The following SH3BP2 variants were observed in gnomAD, a reference collection of about 807,000 sequenced individuals.
SH3BP2 encodes SH3 domain binding protein 2, also known as SH3 domain-binding protein 2.
In SH3BP2, 38 loss-of-function variants were observed where a neutral mutation model predicts 56.2. The observed-to-expected ratio is 0.68, with a 90% confidence interval of 0.52 to 0.89. The LOEUF (loss-of-function observed/expected upper bound fraction) is 0.89, where lower values mean the gene tolerates loss of function less well. SH3BP2 is among the 40% of genes least tolerant of loss of function. The probability of loss-of-function intolerance (pLI) is 0.00; values close to 1 mark genes in which losing one functional copy is unlikely to be tolerated. For missense variants in SH3BP2, 748 were observed against 762.6 expected, an observed-to-expected ratio of 0.98 and a Z score of 0.23; for synonymous variants, 346 against 316.7, an observed-to-expected ratio of 1.09 and a Z score of -0.98.
At chr4:2,802,897 C>T (rs941390927) in intron 1 of SH3BP2, among the ~76,000 whole-genome samples, 6 of 152,128 alleles carry the variant, frequency 3.9e-5, no homozygotes, top group African/African-American at 1.4e-4. Context: ...CCTGGGTAAG[C>T]GAGGGGCCCA....
intron 12 of SH3BP2, chr4:2,833,370 C>T: frequency 1.8e-6 from 1 of 571,290 alleles, no homozygotes; most frequent in Non-Finnish European, 3.1e-6. Flanking sequence ...AATTCTGGGG[C>T]TCAAGCAATC....
chr4:2,831,767 C>G lies in SH3BP2; in HGVS notation c.1350+88C>G. Reference sequence around the variant, plus strand: ...ATAGGCCAGGGCGGCCCCTCACAGACCGTCCTGAGCAAGGACCCCCCGAGA... The same window carrying G: ...ATAGGCCAGGGCGGCCCCTCACAGAGCGTCCTGAGCAAGGACCCCCCGAGA... On this transcript the variant is annotated intron_variant, in intron 9 of 12. Transcript: ENST00000503393. The surrounding 1 kb of genome is among the most constrained non-coding windows in gnomAD (Gnocchi z 4.1). 1 of 1,370,912 alleles carries G rather than the reference C, an allele frequency of 7.3e-7. No homozygotes were observed. The highest frequency in any genetic ancestry group is 1.0e-6 in the Non-Finnish European group (1 of 980,898). 84.9% of individuals were successfully genotyped at this position (1,370,912 alleles called of 1,614,324 possible). A position where few individuals can be genotyped will look rare whatever the true frequency, so the allele number is the denominator to read the frequency against.
intron 1 of SH3BP2, chr4:2,796,351 C>G (rs1386627573): frequency 2.1e-6 from 2 of 955,546 alleles, no homozygotes; most frequent in African/African-American, 3.5e-5. Flanking sequence ...GTGCCCTCCC[C>G]CAACCTTCTC....
intron 1 of SH3BP2, among the ~76,000 whole-genome samples, chr4:2,800,717 A>G (rs1723239446): frequency 6.6e-6 from 1 of 152,060 alleles, no homozygotes; most frequent in African/African-American, 2.4e-5. Context: ...GACCCTAACT[A>G]GAGCCATTCA....
intron 1 of SH3BP2, among the ~76,000 whole-genome samples, chr4:2,802,500 A>G: frequency 6.9e-6 from 1 of 144,978 alleles, no homozygotes; most frequent in East Asian, 2.0e-4. Context: ...ATATGTATAT[A>G]TATGTTTGTA....
At chr4:2,804,514 G>T (rs1227325361) in intron 1 of SH3BP2, among the ~76,000 whole-genome samples, 2 of 152,190 alleles carry the variant, frequency 1.3e-5, no homozygotes, top group Admixed American at 6.5e-5. Context: ...TCAAGGGTGG[G>T]CTGGAGCCCC....
rs1724878655 is a variant in SH3BP2, at chr4:2,829,801, G to A, written c.895G>A (p.Glu299Lys). 6.2e-7 allele frequency: 1 copy of A among 1,613,230 alleles called. No homozygotes were observed. The highest frequency in any genetic ancestry group is 1.3e-5 in the African/African-American group (1 of 75,008). Residue 299 changes from glutamate to lysine, a missense_variant, in exon 8 of 13, where the codon GAG (glutamate) becomes AAG (lysine). Transcript: ENST00000503393. The surrounding 1 kb of genome is among the most constrained non-coding windows in gnomAD (Gnocchi z 4.9). ...CCTCCGGAAACCCCCTTGCTTCCGG[G>A]AGAGTGCCAGCCCCAGCCCGGAGCC... ...PGLRKPPCFR[E>K]SASPSPEPWT...
At chr4:2,809,784 C>T (rs1416239025) in intron 1 of SH3BP2, 18 of 985,638 alleles carry the variant, frequency 1.8e-5, no homozygotes, top group Non-Finnish European at 1.9e-5. Context: ...TTCAGGCTGA[C>T]CCTTGGCCCT....
intron 1 of SH3BP2, among the ~76,000 whole-genome samples, chr4:2,806,272 G>GCAC (rs1723530751): frequency 6.6e-6 from 1 of 152,194 alleles, no homozygotes; most frequent in Non-Finnish European, 1.5e-5. Context: ...GGCATAGGGT[G>GCAC]CCCAGGCTGG....
At chr4:2,799,074 G>A in intron 1 of SH3BP2, 1 of 985,502 alleles carries the variant, frequency 1.0e-6, no homozygotes, top group Non-Finnish European at 1.2e-6. Flanking sequence ...GGCGCTCAGG[G>A]GTGCAGCCTC....
rs1417155141 is a variant in SH3BP2, at chr4:2,831,182, C to T, written c.1242-389C>T. ...GGACGCCATGGGCGTCCTTTGGGGT[C>T]ACACTGCATTGTTCATCCAGTTCAC... On this transcript the variant is annotated intron_variant, in intron 8 of 12. Coordinates refer to ENST00000503393, the MANE Select transcript of SH3BP2 (RefSeq NM_001122681.2). The surrounding 1 kb of genome is among the most constrained non-coding windows in gnomAD (Gnocchi z 4.1). 6.6e-6 allele frequency among the ~76,000 whole-genome samples: 1 copy of T among 152,224 alleles called. No homozygotes were observed. The highest frequency in any genetic ancestry group is 6.5e-5 in the Admixed American group (1 of 15,290).
At chr4:2,827,142 C>T (rs775657773) in intron 5 of SH3BP2, 88 bp from the exon 6 acceptor site, 15 of 972,234 alleles carry the variant, frequency 1.5e-5, no homozygotes, top group South Asian at 1.0e-4. Flanking sequence ...CATGTATCCG[C>T]GTGTGCCTGT....
At chr4:2,825,592 ATGCACACACACACAGAGCATGCACAGGTG>A (rs1724571553) in intron 5 of SH3BP2, among the ~76,000 whole-genome samples, 3 of 149,934 alleles carry the variant, frequency 2.0e-5, no homozygotes, top group Admixed American at 2.0e-4. Context: ...ACACACAGAC[ATGCACACACACACAGAGCATGCACAGGTG>A]TGCATGCATC....
At position 2,827,447 on chromosome 4, in the gene SH3BP2, C is replaced by G. The variant is rs116474485; in HGVS notation, c.517+129C>G. The G allele has an allele frequency of 4.1e-4, 475 of 1,160,546 alleles. 2 individuals are homozygous for G. The African/African-American group carries it at 4.3e-3, about 10-fold the overall frequency. The allele number at this position is 1,160,546 out of a possible 1,614,324, so 71.9% of individuals were successfully genotyped here. On this transcript the variant is annotated intron_variant, in intron 6 of 12. Transcript: ENST00000503393. ...CTGGCCCTTTGGCAGTGCGCAGTAG[C>G]ATCCCTGGGCTCTGGCCTTCAGCGG...
chr4:2,818,243 G>C (rs1384069033), intron 1 of SH3BP2: 4 of 990,506 alleles, frequency 4.0e-6, no homozygotes, highest in Non-Finnish European at 4.8e-6. Context: ...TCCGGGCCGC[G>C]GCCGCGGAGC....
intron 1 of SH3BP2, among the ~76,000 whole-genome samples, chr4:2,795,561 C>A (rs1028923618): frequency 6.6e-6 from 1 of 152,144 alleles, no homozygotes; most frequent in Non-Finnish European, 1.5e-5. Context: ...GGCAGGCTGG[C>A]GGGGAAAAGA....
rs1171431016 is a variant in SH3BP2 at position 2,831,881 on chromosome 4, G to A, written c.1351-42G>A. The A allele has an allele frequency of 1.2e-6, 2 of 1,604,610 alleles. No homozygotes were observed. Among genetic ancestry groups the A allele is most frequent in the African/African-American group, 2.7e-5 (2 of 74,894 alleles). ...CGTCCGGGGAGTGGTGGTGCGGGTGGATCACTCCGACGTTGGCACTGACAC... is the reference window on the plus strand; with the variant it reads ...CGTCCGGGGAGTGGTGGTGCGGGTGAATCACTCCGACGTTGGCACTGACAC... On this transcript the variant is annotated intron_variant, in intron 9 of 12. Coordinates refer to ENST00000503393, the MANE Select transcript of SH3BP2 (RefSeq NM_001122681.2). This position sits in a 1 kb window ranked among gnomAD's most constrained non-coding sequence, Gnocchi z 4.1.
chr4:2,812,113 G>C (rs1382871070), intron 1 of SH3BP2: 4 of 1,267,952 alleles, frequency 3.2e-6, no homozygotes, highest in Admixed American at 6.2e-5. Flanking sequence ...GGGAGGGCAG[G>C]AGCAGTGGAA....
At chr4:2,821,286 C>T (rs1428314609) in intron 2 of SH3BP2, among the ~76,000 whole-genome samples, 1 of 152,244 alleles carries the variant, frequency 6.6e-6, no homozygotes, top group Non-Finnish European at 1.5e-5. Flanking sequence ...CATGCCTTTG[C>T]AGTAGCAGTG....
Sources: allele counts gnomAD v4.1 joint callset (sites outside exome capture counted in the v4.1 genomes callset), GRCh38; gene constraint gnomAD v4.1.1; non-coding constraint Gnocchi (gnomAD v3.1); transcripts MANE v1.5; gene names NCBI Gene and HGNC (gene_info 2026-07-23, HGNC 2026-07-21).